SCAF11: variants seen among roughly 807,000 people sequenced by gnomAD.
The protein encoded by SCAF11 is SR-related CTD associated factor 11.
In SCAF11, 47 loss-of-function variants were observed where a neutral mutation model predicts 140.5. That is an observed-to-expected ratio of 0.33 (90% confidence interval 0.26 to 0.43). SCAF11 has a LOEUF of 0.43. Ranked by LOEUF, SCAF11 falls within the 20% of genes least tolerant of loss-of-function variation. SCAF11 has a pLI of 1.00. For synonymous variants in SCAF11, 557 were observed against 579.4 expected, an observed-to-expected ratio of 0.96 and a Z score of 0.55; for missense variants, 1,645 against 1,705.1, an observed-to-expected ratio of 0.96 and a Z score of 0.62.
At chr12:45,923,979 T>G (rs1387485141) in intron 12 of SCAF11, among the ~76,000 whole-genome samples, 1 of 152,158 alleles carries the variant, frequency 6.6e-6, no homozygotes, top group East Asian at 1.9e-4. Context: ...ACCTCCTTAG[T>G]AGCTGGGATT....
At chr12:45,989,821 A>C (rs886850233) in intron 1 of SCAF11, among the ~76,000 whole-genome samples, 1 of 149,656 alleles carries the variant, frequency 6.7e-6, no homozygotes, top group Admixed American at 6.6e-5. Flanking sequence ...GTCACGGCGT[A>C]GTAAAGTTTG....
At chr12:45,954,076 A>T (rs1945617580) in intron 3 of SCAF11, among the ~76,000 whole-genome samples, 1 of 152,242 alleles carries the variant, frequency 6.6e-6, no homozygotes, top group Non-Finnish European at 1.5e-5. Flanking sequence ...TTGATTTGTG[A>T]CACTAAGATC....
At chr12:45,987,811 C>G (rs1946494206) in intron 1 of SCAF11, among the ~76,000 whole-genome samples, 1 of 152,210 alleles carries the variant, frequency 6.6e-6, no homozygotes, top group Non-Finnish European at 1.5e-5. Context: ...ATCAGGATCA[C>G]TCTGGCTATG....
chr12:45,932,360 T>C (rs1945066823), intron 9 of SCAF11, among the ~76,000 whole-genome samples: 1 of 127,858 alleles, frequency 7.8e-6, no homozygotes, highest in Admixed American at 7.1e-5. Flanking sequence ...CAATATAAGG[T>C]AAGATTCTGG....
At chr12:45,972,739 T>C (rs1051057265) in intron 1 of SCAF11, among the ~76,000 whole-genome samples, 67 of 146,658 alleles carry the variant, frequency 4.6e-4, no homozygotes, top group Non-Finnish European at 7.4e-5. Context: ...GTGGGAAAAA[T>C]AACACTCTCA....
At chr12:45,956,931 A>G (rs1003256995) in intron 3 of SCAF11, among the ~76,000 whole-genome samples, 1 of 152,150 alleles carries the variant, frequency 6.6e-6, no homozygotes, top group Non-Finnish European at 1.5e-5. Flanking sequence ...CTCTACTAAA[A>G]AATTTCCCAA....
rs1459882287 is a variant in SCAF11, at chr12:45,987,253, A to T, written c.-22+3100T>A. ...TGCTATCTGAAAGCAAAAACAAAAC[A>T]AACAACAACAAAAAACAAGGACCCC... On this transcript the variant is annotated intron_variant, in intron 1 of 14. Coordinates refer to ENST00000369367, the MANE Select transcript of SCAF11 (RefSeq NM_004719.3). Among the ~76,000 whole-genome samples, 6 of 152,196 alleles carry T rather than the reference A, an allele frequency of 3.9e-5. No individual in the cohort carries two copies. In the South Asian group the frequency reaches 8.3e-4, roughly 21 times the overall value.
At chr12:45,931,696 G>A in intron 9 of SCAF11, 84 bp from the exon 10 acceptor site, 3 of 665,316 alleles carry the variant, frequency 4.5e-6, no homozygotes, top group Non-Finnish European at 7.2e-6. Context: ...TCTAAATCAG[G>A]TTAGCAATAT....
chr12:45,960,526 TAC>T (rs1431823575), intron 3 of SCAF11: 2 of 152,146 alleles, frequency 1.3e-5, no homozygotes, highest in South Asian at 4.1e-4. Context: ...ACAGTGATCC[TAC>T]ACAGAGAGAG....
Position 45,923,114 on chromosome 12 carries a change from G to A in SCAF11, c.3947C>T (p.Thr1316Ile), listed in dbSNP as rs778131047. The change falls in exon 13 of 15, where the codon ACA becomes ATA. Residue 1316 changes from threonine (T) to isoleucine (I), a missense_variant. Transcript: ENST00000369367. ...SSSHVSNNMS[T>I]PVLPAPTAAP... ...TGCTGTCGGAGCAGGCAAAACTGGT[G>A]TACTCATGTTATTACTTACATGAGA... 23 of 1,613,956 alleles carry A rather than the reference G, an allele frequency of 1.4e-5. 1 individual carries two copies. The highest frequency in any genetic ancestry group is 1.1e-4 in the South Asian group (10 of 91,088).
intron 6 of SCAF11, 189 bp downstream of exon 6, chr12:45,945,060 G>C (rs778290365): frequency 1.3e-5 from 7 of 553,290 alleles, no homozygotes; most frequent in African/African-American, 2.0e-5. Flanking sequence ...GGAGCAAGAA[G>C]GAAAAAAGGG....
chr12:45,984,478 T>C (rs924221096), intron 1 of SCAF11, among the ~76,000 whole-genome samples: 6 of 152,208 alleles, frequency 3.9e-5, no homozygotes, highest in African/African-American at 7.2e-5. Flanking sequence ...CTTTGATAAC[T>C]TGATTGAGGT....
intron 7 of SCAF11, 78 bp from the exon 8 acceptor site, chr12:45,934,363 C>T (rs1477073480): frequency 4.3e-5 from 58 of 1,355,000 alleles, no homozygotes; most frequent in Non-Finnish European, 5.7e-5. Context: ...TATTTTGATA[C>T]ACCTGAAGCA....
intron 12 of SCAF11, 97 bp downstream of exon 12, chr12:45,924,631 T>C: frequency 1.0e-6 from 1 of 958,064 alleles, no homozygotes; most frequent in African/African-American, 1.6e-5. Context: ...AAACAATTGT[T>C]TTTGAATGCC....
Position 45,928,702 on chromosome 12 carries a change from A to G in SCAF11, c.999T>C (p.Ser333=), listed in dbSNP as rs767639017. ...STRNTRAETA[S]QSQRSPISDN... ...CTGATATTGGGGATCTCTGAGACTGACTGGCTGTTTCAGCTCTTGTGTTAC... is the reference window on the plus strand; with the variant it reads ...CTGATATTGGGGATCTCTGAGACTGGCTGGCTGTTTCAGCTCTTGTGTTAC... The change falls in exon 11 of 15, where the codon AGT becomes AGC. Residue 333 remains serine, a synonymous_variant. Coordinates refer to ENST00000369367, the MANE Select transcript of SCAF11 (RefSeq NM_004719.3). 12 of 1,613,940 alleles carry G rather than the reference A, an allele frequency of 7.4e-6. No individual in the cohort carries two copies. In the Admixed American group the frequency reaches 1.5e-4, roughly 20 times the overall value.
chr12:45,979,038 C>A (rs1946295211), intron 1 of SCAF11, among the ~76,000 whole-genome samples: 1 of 151,728 alleles, frequency 6.6e-6, no homozygotes, highest in East Asian at 2.0e-4. Context: ...TCCCTGCTTC[C>A]AAGATGGCAC....
At chr12:45,925,173 T>G in intron 11 of SCAF11, 99 bp from the exon 12 acceptor site, 1 of 846,008 alleles carries the variant, frequency 1.2e-6, no homozygotes, top group Non-Finnish European at 1.8e-6. Context: ...AAATAGCAAT[T>G]AATAGGCTCA....
chr12:45,953,255 T>A (rs530402589), intron 3 of SCAF11, among the ~76,000 whole-genome samples: 102 of 152,358 alleles, frequency 6.7e-4, no homozygotes, highest in Non-Finnish European at 1.1e-3. Context: ...ATATATTTTT[T>A]AATAATGCAT....
At chr12:45,951,573 T>C (rs1945549813) in intron 4 of SCAF11, 77 bp downstream of exon 4, 6 of 947,776 alleles carry the variant, frequency 6.3e-6, no homozygotes, top group Non-Finnish European at 8.1e-6. Context: ...TTTTCAAATA[T>C]ACACAAACTG....
Sources: allele counts gnomAD v4.1 joint callset (sites outside exome capture counted in the v4.1 genomes callset), GRCh38; gene constraint gnomAD v4.1.1; transcripts MANE v1.5; gene names NCBI Gene and HGNC (gene_info 2026-07-23, HGNC 2026-07-21).